CIBAR1: variants seen among roughly 807,000 people sequenced by gnomAD.
CIBAR1 encodes CBY1-interacting BAR domain-containing protein 1.
Under a neutral mutation model 44.0 loss-of-function variants are expected in CIBAR1, and 25 were observed. The ratio of observed to expected loss-of-function variants is 0.57; its 90% confidence interval spans 0.41 to 0.79. The LOEUF (loss-of-function observed/expected upper bound fraction) is 0.79, where lower values mean the gene tolerates loss of function less well. CIBAR1 is among the 30% of genes least tolerant of loss of function. The pLI, the probability that CIBAR1 is intolerant of heterozygous loss-of-function variation, is 0.00. For missense variants in CIBAR1, 278 were observed against 344.8 expected, an observed-to-expected ratio of 0.81 and a Z score of 1.53; for synonymous variants, 115 against 119.0, an observed-to-expected ratio of 0.97 and a Z score of 0.22.
At position 93,718,721 on chromosome 8, in the gene CIBAR1, A is replaced by G; in HGVS notation, c.590A>G (p.Lys197Arg). The G allele has an allele frequency of 6.4e-7, 1 of 1,570,922 alleles. No individual in the cohort carries two copies. Among genetic ancestry groups the G allele is most frequent in the Non-Finnish European group, 8.6e-7 (1 of 1,156,662 alleles). The change falls in exon 7 of 9, where the codon AAA becomes AGA. Residue 197 changes from lysine (K) to arginine (R), a missense_variant. Around this residue, in one of 3 missense-constraint regions of CIBAR1, gnomAD observed 93 missense variants for 108.9 expected, o/e 0.85. Coordinates refer to ENST00000518322, the MANE Select transcript of CIBAR1 (RefSeq NM_145269.5). ...ACAATCGAAATGTTATTTCACGGCA[A>G]AGCTTTAGAGGTCTACACTGCTGCC... ...FITIEMLFHG[K>R]ALEVYTAAYQ... is the part of the protein sequence containing the mutation.
intron 6 of CIBAR1, among the ~76,000 whole-genome samples, chr8:93,713,777 A>C (rs1810926423): frequency 6.6e-6 from 1 of 152,182 alleles, no homozygotes; most frequent in Non-Finnish European, 1.5e-5. Context: ...TCTTTGTTGA[A>C]AATCAGTTGA....
chr8:93,703,969 C>G (rs1810475218), intron 3 of CIBAR1, among the ~76,000 whole-genome samples: 1 of 150,814 alleles, frequency 6.6e-6, no homozygotes, highest in Non-Finnish European at 1.5e-5. Context: ...GAGGCCGAGG[C>G]AAGAAAATCG....
chr8:93,708,663 G>C (rs1278592167), intron 5 of CIBAR1, among the ~76,000 whole-genome samples: 5 of 152,124 alleles, frequency 3.3e-5, no homozygotes, highest in African/African-American at 1.2e-4. Flanking sequence ...TGGTTGTCTT[G>C]TAAAGAAGAA....
At chr8:93,708,798 A>G (rs1194427680) in intron 5 of CIBAR1, among the ~76,000 whole-genome samples, 2 of 152,228 alleles carry the variant, frequency 1.3e-5, no homozygotes, top group Non-Finnish European at 2.9e-5. Context: ...CAAGGTAGAA[A>G]GAAAGAGTCT....
At chr8:93,723,270 G>A (rs1024890292) in intron 7 of CIBAR1, among the ~76,000 whole-genome samples, 11 of 152,192 alleles carry the variant, frequency 7.2e-5, no homozygotes, top group East Asian at 1.9e-4. Context: ...TGCTGGGACT[G>A]CAGGCGTGAG....
intron 7 of CIBAR1, among the ~76,000 whole-genome samples, chr8:93,725,297 T>A (rs1466129927): frequency 6.6e-6 from 1 of 152,154 alleles, no homozygotes; most frequent in Non-Finnish European, 1.5e-5. Flanking sequence ...TGTTTTTATA[T>A]ATAATAAGTG....
chr8:93,704,677 G>T (rs1810508802), intron 3 of CIBAR1, among the ~76,000 whole-genome samples: 1 of 152,074 alleles, frequency 6.6e-6, no homozygotes, highest in African/African-American at 2.4e-5. Flanking sequence ...ATCTATTATG[G>T]TTAATAGTTT....
rs999313604 is a variant in CIBAR1 at position 93,728,408 on chromosome 8, AC to A, written c.*112del. On this transcript the variant is annotated 3_prime_UTR_variant, in exon 9 of 9. Transcript: ENST00000518322. Reference sequence around the variant, plus strand: ...GCCTCAAAGTGAAGTCCAACTGGAAACAGAAAAATAATTAAAGGAAACTTAT... The same window carrying A: ...GCCTCAAAGTGAAGTCCAACTGGAAAAGAAAAATAATTAAAGGAAACTTAT... The A allele has an allele frequency of 7.4e-5, 48 of 645,698 alleles. No individual in the cohort carries two copies. In the African/African-American group the frequency reaches 8.9e-4, roughly 12 times the overall value. 40.0% of individuals were successfully genotyped at this position (645,698 alleles called of 1,614,324 possible).
intron 7 of CIBAR1, chr8:93,721,182 GT>G (rs1459962931): frequency 1.3e-5 from 2 of 152,168 alleles, no homozygotes; most frequent in Non-Finnish European, 2.9e-5. Context: ...CAGAAGTATG[GT>G]TCTTGATGAG....
intron 6 of CIBAR1, chr8:93,715,683 A>G (rs1312171470): frequency 6.6e-6 from 1 of 152,236 alleles, no homozygotes; most frequent in Non-Finnish European, 1.5e-5. Context: ...CACCGTATAT[A>G]TAGCATCTCT....
chr8:93,701,098 G>A (rs1431204060), intron 1 of CIBAR1, 126 bp from the exon 2 acceptor site: 1 of 1,488,768 alleles, frequency 6.7e-7, no homozygotes, highest in African/African-American at 1.4e-5. Context: ...GGGAGACGCT[G>A]GGTCGTTGAT....
intron 4 of CIBAR1, chr8:93,705,435 A>G (rs539579657): frequency 4.2e-5 from 7 of 165,402 alleles, no homozygotes; most frequent in Non-Finnish European, 7.8e-5. Flanking sequence ...AAATAAAACA[A>G]CTATGTGACA....
chr8:93,704,666 T>C (rs1031255628), intron 3 of CIBAR1, among the ~76,000 whole-genome samples: 7 of 152,232 alleles, frequency 4.6e-5, no homozygotes, highest in African/African-American at 1.7e-4. Context: ...TATATGCATA[T>C]ATCTATTATG....
chr8:93,720,003 A>G lies in CIBAR1; in HGVS notation c.657+1215A>G, dbSNP rs533722938. 2.7e-5 allele frequency: 4 copies of G among 150,698 alleles called. No individual in the cohort carries two copies. The East Asian group carries it at 7.8e-4, about 29-fold the overall frequency. The allele number at this position is 150,698 out of a possible 1,614,324, so 9.3% of individuals were successfully genotyped here. A position where few individuals can be genotyped will look rare whatever the true frequency, so the allele number is the denominator to read the frequency against. The stretch of plus-strand genomic sequence containing the variant: ...TTTTTGTATCTTCCCCCGCCTTCCA[A>G]GACAGAGTCTTGCTCTGTCACCCAG... On this transcript the variant is annotated intron_variant, in intron 7 of 8. Coordinates refer to ENST00000518322, the MANE Select transcript of CIBAR1 (RefSeq NM_145269.5).
chr8:93,709,947 TACTC>T, intron 6 of CIBAR1, 72 bp downstream of exon 6: 1 of 1,195,766 alleles, frequency 8.4e-7, no homozygotes, highest in Non-Finnish European at 1.2e-6. Flanking sequence ...AAATTTAAAT[TACTC>T]TAAATTTTTT....
chr8:93,706,661 A>G (rs1001148589), intron 4 of CIBAR1, among the ~76,000 whole-genome samples: 1 of 152,162 alleles, frequency 6.6e-6, no homozygotes, highest in Non-Finnish European at 1.5e-5. Flanking sequence ...GAAGGGAGAT[A>G]ATCTTAGAGC....
rs1287524481 is a variant in CIBAR1 at position 93,729,809 on chromosome 8, T to C, written c.*1512T>C. Reference sequence around the variant, plus strand: ...AAAATGTGAAAAACCATTCCTAGCTTCCACTACAACAACAACAAAAAACAG... The same window carrying C: ...AAAATGTGAAAAACCATTCCTAGCTCCCACTACAACAACAACAAAAAACAG... On this transcript the variant is annotated 3_prime_UTR_variant, in exon 9 of 9. Transcript: ENST00000518322. The C allele has an allele frequency of 3.3e-5, 5 of 152,080 alleles. No individual in the cohort carries two copies. In the East Asian group the frequency reaches 9.7e-4, roughly 29 times the overall value. 9.4% of individuals were successfully genotyped at this position (152,080 alleles called of 1,614,324 possible).
rs1442533811 is a variant in CIBAR1 at position 93,711,907 on chromosome 8, C to A, written c.543+2032C>A. Among the ~76,000 whole-genome samples the A allele has an allele frequency of 2.0e-5, 3 of 152,196 alleles. No individual in the cohort carries two copies. The East Asian group carries it at 5.8e-4, about 29-fold the overall frequency. ...GAGTGCAGCATTCCCAGCTACAATT[C>A]CTGCTACCTTGGATTTCCTGAAGCA... On this transcript the variant is annotated intron_variant, in intron 6 of 8. Coordinates refer to ENST00000518322, the MANE Select transcript of CIBAR1 (RefSeq NM_145269.5).
At position 93,728,249 on chromosome 8, in the gene CIBAR1, TGAG is replaced by T. The variant is rs1312359843; in HGVS notation, c.825_827del (p.Glu275del). The T allele has an allele frequency of 1.9e-6, 3 of 1,599,690 alleles. No individual in the cohort carries two copies. The highest frequency in any genetic ancestry group is 2.7e-5 in the African/African-American group (2 of 73,862). ...GAAAGGATCAACAAGCAGAAGATGA[TGAG>T]GATGACGAGTTAGATGTTACAGAAG... On this transcript the variant is annotated inframe_deletion, in exon 9 of 9. Coordinates refer to ENST00000518322, the MANE Select transcript of CIBAR1 (RefSeq NM_145269.5).
Sources: allele counts gnomAD v4.1 joint callset (sites outside exome capture counted in the v4.1 genomes callset), GRCh38; gene constraint gnomAD v4.1.1; regional missense constraint gnomAD v4.1.1; transcripts MANE v1.5; gene names NCBI Gene and HGNC (gene_info 2026-07-23, HGNC 2026-07-21).